The following SLC35F2 variants were observed in gnomAD, a reference collection of about 807,000 sequenced individuals.
The protein encoded by SLC35F2 is solute carrier family 35 member F2.
In SLC35F2, 25 loss-of-function variants were observed where a neutral mutation model predicts 38.1. That is an observed-to-expected ratio of 0.66 (90% CI 0.48 to 0.92). The LOEUF is 0.92. Among genes scored for constraint, SLC35F2 ranks in the 40% least tolerant of loss-of-function variants. The pLI, the probability that SLC35F2 is intolerant of heterozygous loss-of-function variation, is 0.00. For synonymous variants in SLC35F2, 173 were observed against 181.7 expected (o/e 0.95, Z 0.38); for missense variants, 409 against 452.9 (o/e 0.90, Z 0.88).
chr11:107,806,830 A>T lies in SLC35F2; in HGVS notation c.461T>A (p.Phe154Tyr), dbSNP rs1422406268. ...GIPVLMALSW[F>Y]ILHARYRVIH... ...CACTCTGTATCTTGCATGAAGAATA[A>T]ACCATGACAGAGCCATCAACACAGG... is the stretch of plus-strand genomic sequence containing the variant. The change falls in exon 4 of 8, where the codon TTT becomes TAT. Residue 154 changes from phenylalanine (F) to tyrosine (Y), a missense_variant. Physicochemically the swap from Phe to Tyr is conservative, Grantham distance 22. Transcript: ENST00000525815. 4 of 1,614,164 alleles carry T rather than the reference A, an allele frequency of 2.5e-6. No homozygotes were observed. Among genetic ancestry groups the T allele is most frequent in the Non-Finnish European group, 2.5e-6 (3 of 1,179,990 alleles).
intron 2 of SLC35F2, among the ~76,000 whole-genome samples, chr11:107,812,061 C>A (rs1047463843): frequency 1.3e-5 from 2 of 151,920 alleles, no homozygotes; most frequent in Admixed American, 1.3e-4. Flanking sequence ...GCCACCATAC[C>A]CACCTAATTA....
chr11:107,833,628 G>C (rs1444157238), intron 1 of SLC35F2, among the ~76,000 whole-genome samples: 1 of 152,012 alleles, frequency 6.6e-6, no homozygotes, highest in African/African-American at 2.4e-5. Context: ...TAAGTAGAGT[G>C]CTTTTGCTAA....
intron 2 of SLC35F2, among the ~76,000 whole-genome samples, chr11:107,812,904 A>T (rs935816586): frequency 2.6e-5 from 4 of 152,150 alleles, no homozygotes; most frequent in African/African-American, 9.7e-5. Context: ...TTCAAGTGAA[A>T]ATTAAGTCCT....
chr11:107,801,320 G>A (rs914177718), intron 7 of SLC35F2, among the ~76,000 whole-genome samples: 1 of 152,166 alleles, frequency 6.6e-6, no homozygotes, highest in Non-Finnish European at 1.5e-5. Context: ...ATATCACAAG[G>A]CAGAAGGAAG....
chr11:107,816,414 G>A (rs1003243295), intron 1 of SLC35F2: 3 of 378,756 alleles, frequency 7.9e-6, no homozygotes, highest in Non-Finnish European at 1.1e-5. Flanking sequence ...CCAAATAACT[G>A]GGACTATAGG....
intron 2 of SLC35F2, 139 bp downstream of exon 2, chr11:107,815,651 C>G: frequency 2.1e-6 from 2 of 955,446 alleles, no homozygotes. Flanking sequence ...TATGGTGCTA[C>G]TTACTTTAAT....
chr11:107,851,450 A>C (rs1204008648), intron 1 of SLC35F2, among the ~76,000 whole-genome samples: 4 of 146,450 alleles, frequency 2.7e-5, no homozygotes. Context: ...GTGACAAGAG[A>C]GAAACTCCGT....
rs563284378 is a variant in SLC35F2, at chr11:107,792,671, T to C, written c.1069A>G (p.Asn357Asp). 2 of 1,613,828 alleles carry C rather than the reference T, an allele frequency of 1.2e-6. No individual in the cohort carries two copies. Among genetic ancestry groups the C allele is most frequent in the South Asian group, 2.2e-5 (2 of 90,992 alleles). The change falls in exon 8 of 8, where the codon AAC becomes GAC. Residue 357 changes from asparagine (N) to aspartate (D), a missense_variant. Transcript: ENST00000525815. ...VPPVTSIGID[N>D]LGLKLEENLQ... is the part of the protein sequence containing the mutation. ...TTCTCCTCCAGCTTCAGCCCCAGGTTGTCAATCCCAATGCTGGTGACTGGA... is the reference window on the plus strand; with the variant it reads ...TTCTCCTCCAGCTTCAGCCCCAGGTCGTCAATCCCAATGCTGGTGACTGGA...
chr11:107,802,980 G>T, intron 7 of SLC35F2, 21 bp downstream of exon 7: 1 of 1,584,900 alleles, frequency 6.3e-7, no homozygotes, highest in Non-Finnish European at 8.6e-7. Flanking sequence ...ATTCTTATTT[G>T]AACGTGATCT....
chr11:107,846,523 A>AACTGAATTG (rs1262535333), intron 1 of SLC35F2, among the ~76,000 whole-genome samples: 2 of 152,238 alleles, frequency 1.3e-5, no homozygotes, highest in African/African-American at 2.4e-5. Flanking sequence ...ACCCTAAGAC[A>AACTGAATTG]GTTGTTCAGT....
intron 3 of SLC35F2, among the ~76,000 whole-genome samples, chr11:107,807,132 C>A (rs1050918511): frequency 2.0e-5 from 3 of 151,798 alleles, no homozygotes; most frequent in African/African-American, 7.3e-5. Flanking sequence ...GCCAAAAACA[C>A]ATAGTTAAAA....
At chr11:107,808,828 A>AT (rs779244649) in intron 3 of SLC35F2, among the ~76,000 whole-genome samples, 128 of 152,382 alleles carry the variant, frequency 8.4e-4, no homozygotes, top group South Asian at 1.2e-3. Context: ...GAATCCAGCC[A>AT]TAACGGCTTA....
chr11:107,810,527 G>T (rs755439430), intron 3 of SLC35F2: 5 of 985,142 alleles, frequency 5.1e-6, no homozygotes, highest in Non-Finnish European at 6.0e-6. Context: ...AACGCTAAAA[G>T]TACACTTACT....
At chr11:107,853,894 A>C (rs1860233849) in intron 1 of SLC35F2, among the ~76,000 whole-genome samples, 1 of 151,982 alleles carries the variant, frequency 6.6e-6, no homozygotes, top group Non-Finnish European at 1.5e-5. Flanking sequence ...TATAAAGTTG[A>C]TGGTTGTTAC....
intron 1 of SLC35F2, chr11:107,840,614 G>A (rs1467704594): frequency 6.6e-6 from 1 of 152,104 alleles, no homozygotes; most frequent in East Asian, 1.9e-4. Flanking sequence ...TAATCAACTG[G>A]CATGCAGCTG....
At position 107,838,927 on chromosome 11, in the gene SLC35F2, C is replaced by T. The variant is rs538510951; in HGVS notation, c.110+19731G>A. Among the ~76,000 whole-genome samples, 8 of 152,194 alleles carry T rather than the reference C, an allele frequency of 5.3e-5. No individual in the cohort carries two copies. In the East Asian group the frequency reaches 1.5e-3, roughly 29 times the overall value. On this transcript the variant is annotated intron_variant, in intron 1 of 7. Coordinates refer to ENST00000525815, the MANE Select transcript of SLC35F2 (RefSeq NM_017515.5). Reference sequence around the variant, plus strand: ...TACAGGCATGAGCCACCACACCTGGCCGATAAGTTTCTCTTAAATATCACA... The same window carrying T: ...TACAGGCATGAGCCACCACACCTGGTCGATAAGTTTCTCTTAAATATCACA...
chr11:107,823,921 A>G, intron 1 of SLC35F2: 3 of 768,418 alleles, frequency 3.9e-6, no homozygotes, highest in Non-Finnish European at 4.5e-6. Flanking sequence ...ATAACAAGAC[A>G]GTCTCAAAAA....
intron 4 of SLC35F2, 56 bp downstream of exon 4, chr11:107,806,661 T>A: frequency 6.7e-7 from 1 of 1,502,736 alleles, no homozygotes; most frequent in South Asian, 1.1e-5. Context: ...GATATAAAAG[T>A]GAAAACATAA....
intron 2 of SLC35F2, 144 bp from the exon 3 acceptor site, chr11:107,811,938 G>A (rs1379437088): frequency 3.4e-5 from 25 of 738,874 alleles, no homozygotes; most frequent in Non-Finnish European, 4.8e-5. Context: ...GTCTCATTCT[G>A]TTGCCCAGGT....
Sources: gnomAD v4.1 joint callset for allele counts (sites outside exome capture counted in the v4.1 genomes callset) on GRCh38, gnomAD v4.1.1 for gene constraint, MANE v1.5 for transcripts, NCBI Gene and HGNC (gene_info 2026-07-23, HGNC 2026-07-21) for gene names.